The following ABL2 variants were observed in gnomAD, a reference collection of about 807,000 sequenced individuals.
ABL2 encodes tyrosine-protein kinase ABL2.
Under a neutral mutation model 107.7 loss-of-function variants are expected in ABL2, and 49 were observed. That is an observed-to-expected ratio of 0.45 (90% CI 0.36 to 0.58). The LOEUF (loss-of-function observed/expected upper bound fraction) is 0.58, where lower values mean the gene tolerates loss of function less well. ABL2 is among the 20% of genes least tolerant of loss of function. ABL2 has a pLI of 0.00. For missense variants in ABL2, 1,245 were observed against 1,457.0 expected, an observed-to-expected ratio of 0.85 and a Z score of 2.37; for synonymous variants, 549 against 548.6, an observed-to-expected ratio of 1.00 and a Z score of -0.01.
intron 10 of ABL2, among the ~76,000 whole-genome samples, chr1:179,111,874 T>C (rs878906739): frequency 6.6e-6 from 1 of 151,994 alleles, no homozygotes; most frequent in East Asian, 1.9e-4. Context: ...CGAAACCCCA[T>C]CTCTACTAAA....
rs1487036208 is a variant in ABL2 at position 179,107,403 on chromosome 1, T to A, written c.*315A>T. On this transcript the variant is annotated 3_prime_UTR_variant, in exon 12 of 12. Transcript: ENST00000502732. ...TGCTGAGAGCAGCCCTGCCTAGCAC[T>A]TCCCAGCATTCCAGGTAGGGATGGG... The A allele has an allele frequency of 1.1e-5, 4 of 354,000 alleles. No homozygotes were observed. The Admixed American group carries it at 1.4e-4, about 12-fold the overall frequency. The allele number at this position is 354,000 out of a possible 1,614,324, so 21.9% of individuals were successfully genotyped here.
chr1:179,171,502 T>G (rs773423720), intron 1 of ABL2, among the ~76,000 whole-genome samples: 1 of 152,194 alleles, frequency 6.6e-6, no homozygotes, highest in Non-Finnish European at 1.5e-5. Flanking sequence ...CCTCAAAGAA[T>G]GACTTTTAAA....
chr1:179,192,037 A>T (rs1490746721), intron 1 of ABL2, among the ~76,000 whole-genome samples: 1 of 152,242 alleles, frequency 6.6e-6, no homozygotes, highest in African/African-American at 2.4e-5. Context: ...AGTAACTTAT[A>T]CTTGGTGACA....
At chr1:179,122,417 C>T (rs942580633) in intron 4 of ABL2, among the ~76,000 whole-genome samples, 8 of 151,802 alleles carry the variant, frequency 5.3e-5, no homozygotes, top group African/African-American at 1.5e-4. Context: ...GTATACCCAG[C>T]AAGAGTTTAT....
At chr1:179,205,261 G>A (rs1245587520) in intron 1 of ABL2, among the ~76,000 whole-genome samples, 2 of 151,968 alleles carry the variant, frequency 1.3e-5, no homozygotes, top group East Asian at 1.9e-4. Context: ...TTTTGACCTC[G>A]TGATCTGCCC....
At chr1:179,213,117 A>C (rs1338251118) in intron 1 of ABL2, among the ~76,000 whole-genome samples, 1 of 151,894 alleles carries the variant, frequency 6.6e-6, no homozygotes, top group Non-Finnish European at 1.5e-5. Context: ...TAACTACATC[A>C]AAAATTTAAA....
At chr1:179,124,245 G>GA (rs1300133800) in intron 4 of ABL2, among the ~76,000 whole-genome samples, 164 of 127,002 alleles carry the variant, frequency 1.3e-3, no homozygotes, top group African/African-American at 1.8e-3. Context: ...CATCTCAAAA[G>GA]AAAAAAAAAA....
Position 179,107,108 on chromosome 1 carries a change from C to A in ABL2, c.*610G>T. Reference sequence around the variant, plus strand: ...TCTTTACTTCCTGCACTAACTGATACACCAGCGGAAAATAGGACAGAGGCA... The same window carrying A: ...TCTTTACTTCCTGCACTAACTGATAAACCAGCGGAAAATAGGACAGAGGCA... On this transcript the variant is annotated 3_prime_UTR_variant, in exon 12 of 12. Coordinates refer to ENST00000502732, the MANE Select transcript of ABL2 (RefSeq NM_007314.4). 4.3e-6 allele frequency: 1 copy of A among 231,140 alleles called. No homozygotes were observed. The highest frequency in any genetic ancestry group is 8.6e-6 in the Non-Finnish European group (1 of 116,700). The allele number at this position is 231,140 out of a possible 1,614,324, so 14.3% of individuals were successfully genotyped here.
intron 1 of ABL2, among the ~76,000 whole-genome samples, chr1:179,157,381 C>T (rs889623499): frequency 6.6e-6 from 1 of 151,902 alleles, no homozygotes; most frequent in African/African-American, 2.4e-5. Context: ...CCTATAATCT[C>T]AGCTACTCGG....
chr1:179,206,704 A>C (rs536303976), intron 1 of ABL2, among the ~76,000 whole-genome samples: 52 of 152,334 alleles, frequency 3.4e-4, no homozygotes, highest in African/African-American at 1.2e-3. Context: ...GCTGAAGAAA[A>C]GGAGTGGCAG....
chr1:179,215,432 T>G (rs1427538736), intron 1 of ABL2, among the ~76,000 whole-genome samples: 1 of 152,162 alleles, frequency 6.6e-6, no homozygotes, highest in Non-Finnish European at 1.5e-5. Flanking sequence ...TGTATATTTT[T>G]ATGCAACTGA....
At chr1:179,121,453 G>T in intron 5 of ABL2, 142 bp downstream of exon 5, 1 of 1,105,650 alleles carries the variant, frequency 9.0e-7, no homozygotes, top group Non-Finnish European at 1.3e-6. Flanking sequence ...ATGGCACTAG[G>T]GTTAATCATC....
chr1:179,163,315 T>C (rs1463263511), intron 1 of ABL2, among the ~76,000 whole-genome samples: 1 of 152,182 alleles, frequency 6.6e-6, no homozygotes, highest in Admixed American at 6.5e-5. Flanking sequence ...TGGAAAGCAG[T>C]TGGGCAGTTT....
chr1:179,148,484 T>C (rs1658157037), intron 1 of ABL2, among the ~76,000 whole-genome samples: 1 of 152,206 alleles, frequency 6.6e-6, no homozygotes, highest in Non-Finnish European at 1.5e-5. Context: ...ACTGTCATTG[T>C]TTTGGGGCGC....
At chr1:179,135,602 G>A (rs933913381) in intron 1 of ABL2, among the ~76,000 whole-genome samples, 1 of 151,898 alleles carries the variant, frequency 6.6e-6, no homozygotes. Flanking sequence ...AGGGAGGTGG[G>A]GGGGTCAGCC....
At position 179,166,394 on chromosome 1, in the gene ABL2, T is replaced by TA. The variant is rs200116537; in HGVS notation, c.158-33021dup. The stretch of plus-strand genomic sequence containing the variant: ...ATATACAAAGAATTCAACTCAATAC[T>TA]AAAAAAAAAAAAAAAAAGAAAATCA... On this transcript the variant is annotated intron_variant, in intron 1 of 11. Transcript: ENST00000502732. Among the ~76,000 whole-genome samples, 635 of 108,818 alleles carry TA rather than the reference T, an allele frequency of 5.8e-3. 3 individuals carry two copies. Among genetic ancestry groups the TA allele is most frequent in the East Asian group, 0.013 (43 of 3,438 alleles). 71.4% of individuals were successfully genotyped at this position (108,818 alleles called of 152,430 possible). A position where few individuals can be genotyped will look rare whatever the true frequency, so the allele number is the denominator to read the frequency against.
intron 3 of ABL2, among the ~76,000 whole-genome samples, chr1:179,130,908 G>T (rs1042807918): frequency 6.6e-6 from 1 of 151,200 alleles, no homozygotes; most frequent in South Asian, 2.1e-4. Context: ...GAAAGCCACT[G>T]CCGGGGAAAA....
intron 1 of ABL2, among the ~76,000 whole-genome samples, chr1:179,210,513 A>AAAAG (rs1295900346): frequency 6.6e-6 from 1 of 151,142 alleles, no homozygotes; most frequent in African/African-American, 2.4e-5. Context: ...CAAAAAAAAA[A>AAAAG]AAAAAGAAAA....
In ABL2 at chr1:179,109,269, G is replaced by T. The variant is rs138240636; in HGVS notation, c.1998C>A (p.Pro666=). ...TTTCTCGGAAGGAGCTGCTGCGTTT[G>T]GGGGGTGTAGGAGCATTTCTCTTCT... ...FMKKRNAPTP[P]KRSSSFREME... is the part of the protein sequence containing the mutation. Residue 666 remains proline, a synonymous_variant, in exon 12 of 12, where the codon CCC becomes CCA. Transcript: ENST00000502732. 1.1e-5 allele frequency: 17 copies of T among 1,614,058 alleles called. No individual in the cohort carries two copies. The highest frequency in any genetic ancestry group is 1.4e-5 in the Non-Finnish European group (16 of 1,180,004).
Sources: allele counts gnomAD v4.1 joint callset (sites outside exome capture counted in the v4.1 genomes callset), GRCh38; gene constraint gnomAD v4.1.1; transcripts MANE v1.5; gene names NCBI Gene and HGNC (gene_info 2026-07-23, HGNC 2026-07-21).